Variants in GAB1 observed in about 807,000 individuals in gnomAD.
GAB1 encodes the protein GRB2 associated binding protein 1, also known as GRB2-associated-binding protein 1.
GAB1 carries 19 observed loss-of-function variants against 66.5 expected under a neutral mutation model. The observed-to-expected ratio is 0.29, with a 90% CI of 0.20 to 0.42. The LOEUF is 0.42. GAB1 is among the 10% of genes least tolerant of loss of function. GAB1 has a pLI of 1.00. For synonymous variants in GAB1, 294 were observed against 301.4 expected (o/e 0.98, Z 0.25); for missense variants, 732 against 858.5 (o/e 0.85, Z 1.84).
chr4:143,363,823 C>T (rs1403887971), intron 1 of GAB1, among the ~76,000 whole-genome samples: 1 of 152,130 alleles, frequency 6.6e-6, no homozygotes, highest in Non-Finnish European at 1.5e-5. Flanking sequence ...AGGCAGTGAG[C>T]AGCCTAGGTG....
chr4:143,425,182 G>A, intron 2 of GAB1: 1 of 826,526 alleles, frequency 1.2e-6, no homozygotes, highest in Non-Finnish European at 2.1e-6. Context: ...AAAAGTGATG[G>A]CATCTACATT....
At chr4:143,342,055 C>T (rs1229821826) in intron 1 of GAB1, among the ~76,000 whole-genome samples, 1 of 152,156 alleles carries the variant, frequency 6.6e-6, no homozygotes, top group African/African-American at 2.4e-5. Flanking sequence ...ATGTTTTTAC[C>T]TTTTCAAGTG....
intron 1 of GAB1, among the ~76,000 whole-genome samples, chr4:143,366,669 T>G (rs1196964879): frequency 6.6e-6 from 1 of 152,206 alleles, no homozygotes; most frequent in Non-Finnish European, 1.5e-5. Context: ...TCCTTGTTAT[T>G]GCTGAATAGT....
intron 1 of GAB1, among the ~76,000 whole-genome samples, chr4:143,388,841 A>G (rs1346816388): frequency 6.6e-6 from 1 of 152,248 alleles, no homozygotes; most frequent in Non-Finnish European, 1.5e-5. Context: ...CTGAAGCAGT[A>G]TTTAAATACA....
At chr4:143,436,111 G>C (rs1425269283) in intron 3 of GAB1, among the ~76,000 whole-genome samples, 1 of 152,158 alleles carries the variant, frequency 6.6e-6, no homozygotes, top group African/African-American at 2.4e-5. Flanking sequence ...ATTCCACAAA[G>C]GGACAGTGCA....
chr4:143,470,670 A>G lies in GAB1; in HGVS notation c.*1481A>G, dbSNP rs1227489204. ...AATCTCATGTACTGATTTGAGACTT[A>G]TAACAATTTTTGGAGGGGGCATAGA... On this transcript the variant is annotated 3_prime_UTR_variant, in exon 10 of 10. Coordinates refer to ENST00000262994, the MANE Select transcript of GAB1 (RefSeq NM_002039.4). 2 of 152,242 alleles carry G rather than the reference A, an allele frequency of 1.3e-5. No individual in the cohort carries two copies. The highest frequency in any genetic ancestry group is 2.9e-5 in the Non-Finnish European group (2 of 68,042). 9.4% of individuals were successfully genotyped at this position (152,242 alleles called of 1,614,324 possible). A position where few individuals can be genotyped will look rare whatever the true frequency, so the allele number is the denominator to read the frequency against.
At chr4:143,385,314 T>G (rs753913414) in intron 1 of GAB1, among the ~76,000 whole-genome samples, 9 of 152,178 alleles carry the variant, frequency 5.9e-5, no homozygotes, top group African/African-American at 2.2e-4. Context: ...GTAGGCTTAT[T>G]ATTGATCACT....
intron 1 of GAB1, among the ~76,000 whole-genome samples, chr4:143,339,161 A>T (rs776653208): frequency 2.0e-5 from 3 of 152,082 alleles, no homozygotes; most frequent in Non-Finnish European, 1.5e-5. Flanking sequence ...GATCTGCCTG[A>T]TTGATTGGAC....
At chr4:143,402,795 C>T (rs1731845306) in intron 1 of GAB1, among the ~76,000 whole-genome samples, 1 of 152,204 alleles carries the variant, frequency 6.6e-6, no homozygotes, top group Admixed American at 6.5e-5. Context: ...GTCCAGATGA[C>T]ATCTCTGAAA....
chr4:143,436,201 A>T (rs1733933431), intron 3 of GAB1, among the ~76,000 whole-genome samples: 1 of 152,196 alleles, frequency 6.6e-6, no homozygotes, highest in Admixed American at 6.6e-5. Flanking sequence ...AGAGAAGAAA[A>T]TCATTAGTAA....
At chr4:143,459,613 A>G in intron 7 of GAB1, 135 bp downstream of exon 7, 1 of 665,988 alleles carries the variant, frequency 1.5e-6, no homozygotes, top group Non-Finnish European at 2.7e-6. Flanking sequence ...GGGTTCTGTG[A>G]AGTCAAAACC....
At chr4:143,367,364 A>T (rs753034006) in intron 1 of GAB1, among the ~76,000 whole-genome samples, 9 of 152,236 alleles carry the variant, frequency 5.9e-5, no homozygotes, top group Non-Finnish European at 1.2e-4. Context: ...GTCCCTGGAA[A>T]GGAAATTCGA....
intron 1 of GAB1, among the ~76,000 whole-genome samples, chr4:143,348,912 ACT>A (rs1291577686): frequency 1.1e-4 from 17 of 151,754 alleles, no homozygotes; most frequent in Non-Finnish European, 2.2e-4. Flanking sequence ...AGTCCTTGAC[ACT>A]CTCTTTTCTG....
chr4:143,453,787 C>T (rs928775213), intron 6 of GAB1, among the ~76,000 whole-genome samples: 1 of 152,144 alleles, frequency 6.6e-6, no homozygotes, highest in Non-Finnish European at 1.5e-5. Flanking sequence ...TCTAGCTCTA[C>T]CAGTCATCAT....
At chr4:143,354,240 A>G (rs976291947) in intron 1 of GAB1, among the ~76,000 whole-genome samples, 1 of 152,084 alleles carries the variant, frequency 6.6e-6, no homozygotes, top group African/African-American at 2.4e-5. Context: ...CACTTGGTAT[A>G]TATCTTGGTG....
intron 3 of GAB1, among the ~76,000 whole-genome samples, chr4:143,437,136 G>A (rs1733979359): frequency 6.6e-6 from 1 of 151,812 alleles, no homozygotes; most frequent in African/African-American, 2.4e-5. Context: ...GTCAGGGAAG[G>A]TAAGCCCTTT....
At chr4:143,414,456 G>A (rs963529458) in intron 1 of GAB1, among the ~76,000 whole-genome samples, 1 of 152,190 alleles carries the variant, frequency 6.6e-6, no homozygotes, top group Admixed American at 6.5e-5. Flanking sequence ...GGGGTATGTG[G>A]TGAGTGTATT....
chr4:143,463,389 G>T (rs1280354751), intron 8 of GAB1, among the ~76,000 whole-genome samples: 2 of 151,998 alleles, frequency 1.3e-5, no homozygotes, highest in Non-Finnish European at 2.9e-5. Flanking sequence ...TAAGGAGGCC[G>T]AGGCAGGCAG....
At chr4:143,418,271 G>A (rs992957819) in intron 2 of GAB1, among the ~76,000 whole-genome samples, 2 of 152,218 alleles carry the variant, frequency 1.3e-5, no homozygotes, top group Admixed American at 1.3e-4. Context: ...AGTTGTTTTC[G>A]TGAAGTTACT....
Sources: allele counts gnomAD v4.1 joint callset (sites outside exome capture counted in the v4.1 genomes callset), GRCh38; gene constraint gnomAD v4.1.1; transcripts MANE v1.5; gene names NCBI Gene and HGNC (gene_info 2026-07-23, HGNC 2026-07-21).